The following NCOR1 variants were observed in gnomAD, a reference collection of about 807,000 sequenced individuals.
The protein encoded by NCOR1 is protein phosphatase 1, regulatory subunit 109.
In NCOR1, 63 loss-of-function variants were observed where a neutral mutation model predicts 288.1. The observed-to-expected ratio is 0.22, with a 90% CI of 0.18 to 0.27. The LOEUF is 0.27. Among genes scored for constraint, NCOR1 ranks in the 10% least tolerant of loss-of-function variants. The pLI, the probability that NCOR1 is intolerant of heterozygous loss-of-function variation, is 1.00. For synonymous variants in NCOR1, 1,007 were observed against 1,065.9 expected (o/e 0.94, Z 1.08); for missense variants, 2,397 against 3,019.2 (o/e 0.79, Z 4.83).
At chr17:16,193,862 T>C (rs115348811) in intron 2 of NCOR1, among the ~76,000 whole-genome samples, 1 of 151,092 alleles carries the variant, frequency 6.6e-6, no homozygotes, top group Non-Finnish European at 1.5e-5. Flanking sequence ...TCTGCTTTCT[T>C]AGTCTCTGAG....
intron 1 of NCOR1, among the ~76,000 whole-genome samples, chr17:16,200,732 C>G (rs569141308): frequency 6.6e-6 from 1 of 152,028 alleles, no homozygotes; most frequent in African/African-American, 2.4e-5. Context: ...CATTCAAATG[C>G]TAAAATATTA....
Position 16,029,289 on chromosome 17 carries a change from T to C in NCOR1, c.*3007A>G. 1 of 451,846 alleles carries C rather than the reference T, an allele frequency of 2.2e-6. No homozygotes were observed. The highest frequency in any genetic ancestry group is 4.4e-6 in the Non-Finnish European group (1 of 226,178). 28.0% of individuals were successfully genotyped at this position (451,846 alleles called of 1,614,324 possible). ...TGTGGGTGTTTTCATTACAGTTCAT[T>C]TACACTGTTGTAAAATAAGGTACTG... On this transcript the variant is annotated 3_prime_UTR_variant, in exon 46 of 46. Transcript: ENST00000268712.
chr17:16,171,709 T>G, intron 4 of NCOR1, 94 bp downstream of exon 4: 2 of 1,164,046 alleles, frequency 1.7e-6, no homozygotes, highest in East Asian at 2.9e-5. Context: ...TAGAGACTGG[T>G]GTAACTGGAC....
At chr17:16,183,071 A>C (rs926238807) in intron 3 of NCOR1, among the ~76,000 whole-genome samples, 2 of 151,960 alleles carry the variant, frequency 1.3e-5, no homozygotes, top group African/African-American at 4.8e-5. Flanking sequence ...TTCCACAACT[A>C]ACATCATAAT....
In NCOR1 at chr17:16,215,382, G is replaced by T; in HGVS notation, c.-91C>A. ...CTCACCGGGAGCTGGCTAAGCGTGG[G>T]AGCCGACGTGCGCCCCGGCCTGAGG... On this transcript the variant is annotated 5_prime_UTR_variant, in exon 1 of 46. Transcript: ENST00000268712. 2 of 395,170 alleles carry T rather than the reference G, an allele frequency of 5.1e-6. No individual in the cohort carries two copies. Among genetic ancestry groups the T allele is most frequent in the South Asian group, 1.3e-4 (1 of 7,694 alleles). 24.5% of individuals were successfully genotyped at this position (395,170 alleles called of 1,614,324 possible).
intron 5 of NCOR1, among the ~76,000 whole-genome samples, chr17:16,159,316 G>A (rs2080339289): frequency 6.6e-6 from 1 of 150,966 alleles, no homozygotes; most frequent in Admixed American, 6.6e-5. Flanking sequence ...AGAAGGCTGA[G>A]GCAGGAGAAT....
At chr17:16,197,788 G>C (rs2090108853) in intron 1 of NCOR1, among the ~76,000 whole-genome samples, 1 of 152,216 alleles carries the variant, frequency 6.6e-6, no homozygotes, top group South Asian at 2.1e-4. Context: ...AAGGGGAAAA[G>C]CCAGCATGTG....
At chr17:16,077,511 AGGGGAGGG>A (rs2062694342) in intron 26 of NCOR1, among the ~76,000 whole-genome samples, 53 of 17,500 alleles carry the variant, frequency 3.0e-3, no homozygotes, top group Non-Finnish European at 4.0e-3. Context: ...AGGGGAGGAG[AGGGGAGGG>A]GGGGAGGAGG....
chr17:16,068,563 GCT>G (rs2152703890), intron 31 of NCOR1, among the ~76,000 whole-genome samples: 1 of 151,790 alleles, frequency 6.6e-6, no homozygotes, highest in South Asian at 2.1e-4. Flanking sequence ...TTTTTTCCTT[GCT>G]CTGTTCTTCC....
At chr17:16,063,927 C>A (rs185640994) in intron 35 of NCOR1, 141 bp downstream of exon 35, 573 of 1,132,878 alleles carry the variant, frequency 5.1e-4, no homozygotes, top group Non-Finnish European at 6.6e-4. Flanking sequence ...AGCACTTTCA[C>A]CTGTTTTTCA....
At position 16,139,600 on chromosome 17, in the gene NCOR1, T is replaced by C. The variant is rs554569513; in HGVS notation, c.1174-414A>G. Among the ~76,000 whole-genome samples, 11 of 152,298 alleles carry C rather than the reference T, an allele frequency of 7.2e-5. No individual in the cohort carries two copies. The South Asian group carries it at 1.2e-3, about 17-fold the overall frequency. On this transcript the variant is annotated intron_variant, in intron 11 of 45. Transcript: ENST00000268712. Reference sequence around the variant, plus strand: ...TATAGAACAACTTTTACCGTCATATTACAGAACAATAAATAGAAAAATAAG... The same window carrying C: ...TATAGAACAACTTTTACCGTCATATCACAGAACAATAAATAGAAAAATAAG...
chr17:16,094,382 T>G (rs1027405040), intron 21 of NCOR1, among the ~76,000 whole-genome samples: 14 of 152,312 alleles, frequency 9.2e-5, no homozygotes, highest in African/African-American at 3.4e-4. Context: ...AGTACACAAT[T>G]AAAAACTTTT....
chr17:16,178,668 T>C (rs943665438), intron 3 of NCOR1, among the ~76,000 whole-genome samples: 1 of 152,172 alleles, frequency 6.6e-6, no homozygotes, highest in African/African-American at 2.4e-5. Context: ...TTCTAAGTTT[T>C]TGACAATAGC....
chr17:16,050,753 T>A (rs561479972), intron 40 of NCOR1, among the ~76,000 whole-genome samples: 44 of 152,290 alleles, frequency 2.9e-4, no homozygotes, highest in African/African-American at 1.1e-3. Flanking sequence ...TTTATAAAAC[T>A]TGAAACAGTA....
chr17:16,196,551 C>T (rs1480854837), intron 1 of NCOR1, among the ~76,000 whole-genome samples: 1 of 152,022 alleles, frequency 6.6e-6, no homozygotes, highest in Non-Finnish European at 1.5e-5. Context: ...GGCGGCTGGG[C>T]GTGGTGGCTC....
intron 3 of NCOR1, among the ~76,000 whole-genome samples, chr17:16,178,718 C>A (rs1339046849): frequency 2.0e-5 from 3 of 151,812 alleles, no homozygotes; most frequent in Non-Finnish European, 4.4e-5. Context: ...AAATTTTTAG[C>A]CTGTTTGAAA....
chr17:16,194,428 A>T (rs376259190), intron 2 of NCOR1, 34 bp downstream of exon 2: 1 of 1,401,042 alleles, frequency 7.1e-7, no homozygotes, highest in Non-Finnish European at 9.9e-7. Context: ...AAACACAAAA[A>T]ACATGTGCAA....
At chr17:16,164,138 G>A (rs796880689) in intron 5 of NCOR1, among the ~76,000 whole-genome samples, 1 of 152,020 alleles carries the variant, frequency 6.6e-6, no homozygotes, top group Non-Finnish European at 1.5e-5. Flanking sequence ...CTACTCGGGA[G>A]GCTGTTGCAG....
Position 16,044,950 on chromosome 17 carries a change from T to G in NCOR1, c.6679+2001A>C, listed in dbSNP as rs573024862. 17 of 606,684 alleles carry G rather than the reference T, an allele frequency of 2.8e-5. No individual in the cohort carries two copies. The African/African-American group carries it at 2.8e-4, about 10-fold the overall frequency. The allele number at this position is 606,684 out of a possible 1,614,324, so 37.6% of individuals were successfully genotyped here. A position where few individuals can be genotyped will look rare whatever the true frequency, so the allele number is the denominator to read the frequency against. On this transcript the variant is annotated intron_variant, in intron 42 of 45. Transcript: ENST00000268712. ...TCTGATGATGACATGGGCTTTTGGT[T>G]GTTTTGACTAAATTTCTTATAACGT...
Sources: allele counts gnomAD v4.1 joint callset (sites outside exome capture counted in the v4.1 genomes callset), GRCh38; gene constraint gnomAD v4.1.1; transcripts MANE v1.5; gene names NCBI Gene and HGNC (gene_info 2026-07-23, HGNC 2026-07-21).